The following HAO2 variants were observed in gnomAD, a reference collection of about 807,000 sequenced individuals.
The protein encoded by HAO2 is 2-Hydroxyacid oxidase 2.
A neutral mutation model predicts 37.4 loss-of-function variants in HAO2; 42 were observed. The ratio of observed to expected loss-of-function variants is 1.12; its 90% CI spans 0.88 to 1.45. The LOEUF (loss-of-function observed/expected upper bound fraction) is 1.45, where lower values mean the gene tolerates loss of function less well. Among genes scored for constraint, HAO2 ranks in the 40% most tolerant of loss-of-function variants. The probability of loss-of-function intolerance (pLI) is 0.00; values close to 1 mark genes in which losing one functional copy is unlikely to be tolerated. For synonymous variants in HAO2, 180 were observed against 162.8 expected (o/e 1.11, Z -0.81); for missense variants, 476 against 430.2 (o/e 1.11, Z -0.94).
chr1:119,392,909 G>C (rs1651027710), intron 7 of HAO2, among the ~76,000 whole-genome samples: 1 of 152,028 alleles, frequency 6.6e-6, no homozygotes, highest in Admixed American at 6.6e-5. Flanking sequence ...GTCACCTCTG[G>C]CTCTGAATTC....
chr1:119,390,413 G>C (rs914228700), intron 5 of HAO2, among the ~76,000 whole-genome samples: 18 of 152,010 alleles, frequency 1.2e-4, no homozygotes, highest in Non-Finnish European at 2.9e-5. Context: ...CACCACGCCT[G>C]GTTATTTGCA....
rs1187953765 is a variant in HAO2 at position 119,392,544 on chromosome 1, G to T, written c.931-74G>T. 8 of 977,278 alleles carry T rather than the reference G, an allele frequency of 8.2e-6. No individual in the cohort carries two copies. In the Admixed American group the frequency reaches 8.5e-5, roughly 10 times the overall value. The allele number at this position is 977,278 out of a possible 1,614,324, so 60.5% of individuals were successfully genotyped here. A position where few individuals can be genotyped will look rare whatever the true frequency, so the allele number is the denominator to read the frequency against. Reference sequence around the variant, plus strand: ...CCCATTATAGCTCTGACTACATCTAGAATTTATACTAGTGGATGGTCAGAA... The same window carrying T: ...CCCATTATAGCTCTGACTACATCTATAATTTATACTAGTGGATGGTCAGAA... On this transcript the variant is annotated intron_variant, in intron 6 of 7. Transcript: ENST00000325945.
At chr1:119,382,054 A>AAAACT (rs1210663788) in intron 2 of HAO2, among the ~76,000 whole-genome samples, 6 of 152,198 alleles carry the variant, frequency 3.9e-5, no homozygotes, top group African/African-American at 1.4e-4. Context: ...AGGTCAGGAG[A>AAAACT]AAACTGAAAA....
At chr1:119,380,479 C>T (rs1157816652) in intron 1 of HAO2, 3 of 489,524 alleles carry the variant, frequency 6.1e-6, no homozygotes, top group African/African-American at 4.0e-5. Flanking sequence ...TTTGTCTTGT[C>T]CTTTCCCCAC....
Position 119,386,803 on chromosome 1 carries a change from G to A in HAO2, c.743G>A (p.Gly248Glu), listed in dbSNP as rs771980820. 7 of 1,612,746 alleles carry A rather than the reference G, an allele frequency of 4.3e-6. No individual in the cohort carries two copies. The East Asian group carries it at 1.6e-4, about 36-fold the overall frequency. The change falls in exon 5 of 8, where the codon GGG becomes GAG. Residue 248 changes from glycine (G) to glutamate (E), a missense_variant. Gly to Glu is a moderately conservative substitution (Grantham distance 98). Transcript: ENST00000325945. ...GGTATCATTGTTTCCAACCATGGTG[G>A]GAGGCAGCTTGATGAGGTTCTTGCT... ...VQGIIVSNHG[G>E]RQLDEVLASI...
chr1:119,386,787 G>T lies in HAO2; in HGVS notation c.727G>T (p.Val243Phe), dbSNP rs770798169. 1.2e-6 allele frequency: 2 copies of T among 1,613,722 alleles called. No homozygotes were observed. Among genetic ancestry groups the T allele is most frequent in the African/African-American group, 1.3e-5 (1 of 74,896 alleles). Residue 243 changes from valine to phenylalanine, a missense_variant, in exon 5 of 8, where the codon GTT (valine) becomes TTT (phenylalanine). Val to Phe is a conservative substitution (Grantham distance 50). Transcript: ENST00000325945. ...GAAGCACAATGTCCAGGGTATCATT[G>T]TTTCCAACCATGGTGGGAGGCAGCT... Reference protein sequence around the residue: ...AVKHNVQGIIVSNHGGRQLDE... With the variant: ...AVKHNVQGIIFSNHGGRQLDE...
rs753755303 is a variant in HAO2, at chr1:119,384,915, G to T, written c.423G>T (p.Leu141Phe). ...CAGACCTGCAGCTGAACAAACAGTT[G>T]ATCCAGAGGGTAGAATCCCTAGGTT... ...VHPDLQLNKQ[L>F]IQRVESLGFK... Residue 141 changes from leucine (L) to phenylalanine (F), a missense_variant, in exon 4 of 8, where the codon TTG (leucine) becomes TTT (phenylalanine). Physicochemically the swap from Leu to Phe is conservative, Grantham distance 22. Coordinates refer to ENST00000325945, the MANE Select transcript of HAO2 (RefSeq NM_016527.4). 6.2e-7 allele frequency: 1 copy of T among 1,614,044 alleles called. No individual in the cohort carries two copies. Among genetic ancestry groups the T allele is most frequent in the Non-Finnish European group, 8.5e-7 (1 of 1,179,932 alleles).
intron 5 of HAO2, among the ~76,000 whole-genome samples, chr1:119,389,424 T>A (rs967481972): frequency 6.6e-6 from 1 of 151,456 alleles, no homozygotes; most frequent in Admixed American, 6.6e-5. Flanking sequence ...AGTGTAGAAG[T>A]GTTCCCTGTT....
Position 119,393,872 on chromosome 1 carries a change from T to C in HAO2, c.*32T>C, listed in dbSNP as rs1651117494. 2 of 1,612,190 alleles carry C rather than the reference T, an allele frequency of 1.2e-6. No homozygotes were observed. The highest frequency in any genetic ancestry group is 1.7e-6 in the Non-Finnish European group (2 of 1,178,570). ...AGGGCCAATAACCAGACTGCTGAGG[T>C]TGCCCACAGGAGGATCACAAACTCA... On this transcript the variant is annotated 3_prime_UTR_variant, in exon 8 of 8. Coordinates refer to ENST00000325945, the MANE Select transcript of HAO2 (RefSeq NM_016527.4).
At chr1:119,383,643 C>T (rs1055286956) in intron 3 of HAO2, among the ~76,000 whole-genome samples, 38 of 151,430 alleles carry the variant, frequency 2.5e-4, no homozygotes, top group African/African-American at 8.6e-4. Flanking sequence ...TCCACCACCA[C>T]CACCACCACC....
rs140343063 is a variant in HAO2, at chr1:119,377,700, G to C, written c.-8-3378G>C. ...GGAGGCCTCACAATCATGGTGAAAG[G>C]TGAAGGAGGAGCAAAGGCATGTTTT... On this transcript the variant is annotated intron_variant, in intron 1 of 7. Coordinates refer to ENST00000325945, the MANE Select transcript of HAO2 (RefSeq NM_016527.4). 6.7e-3 allele frequency among the ~76,000 whole-genome samples: 1,025 copies of C among 152,348 alleles called. 13 individuals are homozygous for C. The highest frequency in any genetic ancestry group is 0.023 in the African/African-American group (974 of 41,580).
Position 119,386,684 on chromosome 1 carries a change from C to T in HAO2, c.624C>T (p.Leu208=). Residue 208 remains leucine, a synonymous_variant, in exon 5 of 8, where the codon CTC becomes CTT. Coordinates refer to ENST00000325945, the MANE Select transcript of HAO2 (RefSeq NM_016527.4). ...PISTSLCWND[L]SWFQSITRLP... ...GCACTTCTCTCTGCTGGAATGATCT[C>T]TCCTGGTTTCAGAGCATAACTCGAT... 6.2e-7 allele frequency: 1 copy of T among 1,613,310 alleles called. No individual in the cohort carries two copies. Among genetic ancestry groups the T allele is most frequent in the Non-Finnish European group, 8.5e-7 (1 of 1,179,306 alleles).
At chr1:119,380,817 A>C in intron 1 of HAO2, 2 of 810,654 alleles carry the variant, frequency 2.5e-6, no homozygotes, top group Non-Finnish European at 4.1e-6. Flanking sequence ...AGTGGAGGAG[A>C]AGATATAAGA....
At chr1:119,392,884 A>T (rs10802092) in intron 7 of HAO2, among the ~76,000 whole-genome samples, 197 bp downstream of exon 7, 88,678 of 151,908 alleles carry the variant, frequency 0.58, 26,062 homozygotes, top group Admixed American at 0.64. Flanking sequence ...AAGATCATTG[A>T]CAGCTCTGGG....
intron 1 of HAO2, among the ~76,000 whole-genome samples, chr1:119,369,860 C>T (rs980160685): frequency 1.3e-5 from 2 of 152,044 alleles, no homozygotes; most frequent in South Asian, 2.1e-4. Flanking sequence ...TTCTTGAGAG[C>T]AGAAACTGAT....
At position 119,383,062 on chromosome 1, in the gene HAO2, A is replaced by C; in HGVS notation, c.279A>C (p.Ala93=). Residue 93 remains alanine, a synonymous_variant, in exon 3 of 8, where the codon GCA becomes GCC. Transcript: ENST00000325945. ...GGCCTGATGGGGAAATGAGCACAGC[A>C]AGAGGTATGAACCATCCCCACCTCG... The part of the protein sequence containing the change: ...LVWPDGEMST[A]RAAQAAGICY... 6.2e-7 allele frequency: 1 copy of C among 1,611,086 alleles called. No homozygotes were observed. The highest frequency in any genetic ancestry group is 8.5e-7 in the Non-Finnish European group (1 of 1,178,484).
chr1:119,392,153 T>G lies in HAO2; in HGVS notation c.815T>G (p.Ile272Ser). 1 of 1,613,304 alleles carries G rather than the reference T, an allele frequency of 6.2e-7. No individual in the cohort carries two copies. Among genetic ancestry groups the G allele is most frequent in the Non-Finnish European group, 8.5e-7 (1 of 1,179,482 alleles). The change falls in exon 6 of 8, where the codon ATT becomes AGT. Residue 272 changes from isoleucine (I) to serine (S), a missense_variant. By Grantham distance (142) the Ile-to-Ser change is moderately radical. Coordinates refer to ENST00000325945, the MANE Select transcript of HAO2 (RefSeq NM_016527.4). ...GTGGTGGCTGCTGTAAAGGGGAAAA[T>G]TGAAGTCTACCTGGATGGCGGGGTC... ...TEVVAAVKGKIEVYLDGGVRT... is the reference protein window; with the variant it reads ...TEVVAAVKGKSEVYLDGGVRT...
chr1:119,393,466 T>C (rs1034516173), intron 7 of HAO2, among the ~76,000 whole-genome samples: 5 of 152,170 alleles, frequency 3.3e-5, no homozygotes, highest in Admixed American at 1.3e-4. Flanking sequence ...CCTATATCCC[T>C]GAGCCTTATC....
intron 1 of HAO2, 44 bp from the exon 2 acceptor site, chr1:119,381,034 G>T: frequency 6.4e-7 from 1 of 1,571,196 alleles, no homozygotes; most frequent in Non-Finnish European, 8.8e-7. Flanking sequence ...TGCATCTGAA[G>T]TGTTCTCACT....
Sources: gnomAD v4.1 joint callset for allele counts (sites outside exome capture counted in the v4.1 genomes callset) on GRCh38, gnomAD v4.1.1 for gene constraint, MANE v1.5 for transcripts, NCBI Gene and HGNC (gene_info 2026-07-23, HGNC 2026-07-21) for gene names.